Variants in LAMA4 observed in about 807,000 individuals in gnomAD.
LAMA4 encodes laminin subunit alpha 4.
In LAMA4, 127 loss-of-function variants were observed where a neutral mutation model predicts 207.1. That is an observed-to-expected ratio of 0.61 (90% CI 0.53 to 0.71). The LOEUF is 0.71. Among genes scored for constraint, LAMA4 ranks in the 30% least tolerant of loss-of-function variants. The pLI is 0.00. For synonymous variants in LAMA4, 761 were observed against 816.0 expected (o/e 0.93, Z 1.15); for missense variants, 2,093 against 2,246.5 (o/e 0.93, Z 1.38).
intron 12 of LAMA4, among the ~76,000 whole-genome samples, chr6:112,166,694 T>A (rs556610885): frequency 6.6e-6 from 1 of 152,362 alleles, no homozygotes; most frequent in East Asian, 1.9e-4. Flanking sequence ...TTCTCCCACT[T>A]ACCGTATATA....
chr6:112,178,663 GA>G (rs1554344576), intron 9 of LAMA4: 1 of 193,190 alleles, frequency 5.2e-6, no homozygotes, highest in Non-Finnish European at 1.1e-5. Flanking sequence ...TATCAGTTAG[GA>G]CATACAATGT....
chr6:112,232,269 G>A (rs1483483487), intron 2 of LAMA4, among the ~76,000 whole-genome samples: 20 of 152,122 alleles, frequency 1.3e-4, no homozygotes, highest in Non-Finnish European at 1.5e-5. Context: ...TTAAAAAACA[G>A]ATTTTGCAAC....
intron 3 of LAMA4, chr6:112,213,994 G>A: frequency 1.3e-6 from 1 of 755,794 alleles, no homozygotes; most frequent in South Asian, 1.4e-5. Context: ...TGGAGCCCTG[G>A]CTTCTCTGGC....
chr6:112,114,212 A>G lies in LAMA4; in HGVS notation c.5207-17T>C. On this transcript the variant is annotated splice_polypyrimidine_tract_variant and intron_variant, in intron 37 of 38. Coordinates refer to ENST00000230538, the MANE Select transcript of LAMA4 (RefSeq NM_001105206.3). The stretch of plus-strand genomic sequence containing the variant: ...CTCTAATAACTGAAATGCAGGGCAA[A>G]GACTGGTCATAAGTGGCACTGGAGT... 6.2e-7 allele frequency: 1 copy of G among 1,612,858 alleles called. No homozygotes were observed. The highest frequency in any genetic ancestry group is 8.5e-7 in the Non-Finnish European group (1 of 1,179,352).
At chr6:112,188,483 G>C (rs1423934978) in intron 7 of LAMA4, among the ~76,000 whole-genome samples, 1 of 152,150 alleles carries the variant, frequency 6.6e-6, no homozygotes, top group Non-Finnish European at 1.5e-5. Flanking sequence ...GGTTAATCTC[G>C]TCTGCTCCGA....
chr6:112,182,961 A>G (rs1462003339), intron 9 of LAMA4, among the ~76,000 whole-genome samples: 1 of 152,224 alleles, frequency 6.6e-6, no homozygotes, highest in African/African-American at 2.4e-5. Context: ...AATCCCAGAC[A>G]TAAGTGGTGG....
chr6:112,142,011 G>C (rs782148771), intron 20 of LAMA4, 108 bp downstream of exon 20: 7 of 1,050,386 alleles, frequency 6.7e-6, no homozygotes, highest in Non-Finnish European at 1.0e-5. Context: ...TGAGTTACCA[G>C]AATGGGCATT....
chr6:112,241,135 A>ATATATATAT (rs1195523269), intron 2 of LAMA4, among the ~76,000 whole-genome samples: 2 of 102,580 alleles, frequency 1.9e-5, no homozygotes, highest in South Asian at 3.0e-4. Flanking sequence ...ATGAATATAT[A>ATATATATAT]GGAATATATA....
At position 112,225,204 on chromosome 6, in the gene LAMA4, T is replaced by TCTAA. The variant is rs575426427; in HGVS notation, c.196-8739_196-8736dup. ...TAGTTTTTTATGCCACCCCCTTGTT[T>TCTAA]CTAAGTGCTTGTTAGACAAGCCCAT... On this transcript the variant is annotated intron_variant, in intron 2 of 38. Transcript: ENST00000230538. 6.7e-4 allele frequency among the ~76,000 whole-genome samples: 102 copies of TCTAA among 152,298 alleles called. 1 individual carries two copies. Among genetic ancestry groups the TCTAA allele is most frequent in the African/African-American group, 2.4e-3 (99 of 41,562 alleles).
intron 2 of LAMA4, chr6:112,234,689 A>G (rs1583970256): frequency 6.6e-6 from 1 of 152,176 alleles, no homozygotes; most frequent in Non-Finnish European, 1.5e-5. Context: ...AGCTTTCAAC[A>G]TAACTGAATG....
intron 17 of LAMA4, among the ~76,000 whole-genome samples, chr6:112,148,942 TAA>T (rs1780201878): frequency 7.2e-6 from 1 of 139,286 alleles, no homozygotes; most frequent in African/African-American, 2.6e-5. Flanking sequence ...GGTGACTTTA[TAA>T]CTTCAAATTT....
At chr6:112,205,820 G>A (rs1784026568) in intron 4 of LAMA4, among the ~76,000 whole-genome samples, 1 of 151,936 alleles carries the variant, frequency 6.6e-6, no homozygotes, top group Admixed American at 6.6e-5. Context: ...CAACCTCCAG[G>A]GAGGAGAGGC....
chr6:112,202,814 A>G (rs1783834877), intron 4 of LAMA4, among the ~76,000 whole-genome samples: 1 of 152,182 alleles, frequency 6.6e-6, no homozygotes, highest in Admixed American at 6.5e-5. Flanking sequence ...CCAGAACAGG[A>G]ACCCGCGCTT....
intron 2 of LAMA4, chr6:112,253,407 T>C (rs1283430585): frequency 7.0e-6 from 2 of 286,564 alleles, no homozygotes; most frequent in Admixed American, 4.9e-5. Context: ...TGGAATACAA[T>C]GGCTCGTTTC....
rs781928632 is a variant in LAMA4, at chr6:112,216,463, T to C, written c.202A>G (p.Asn68Asp). Residue 68 changes from asparagine (N) to aspartate (D), a missense_variant, in exon 3 of 39, where the codon AAT (asparagine) becomes GAT (aspartate). Physicochemically the swap from Asn to Asp is conservative, Grantham distance 23. This residue lies in a region of LAMA4 where 1,704 missense variants were observed against 1,788.4 expected (regional missense o/e 0.95). Transcript: ENST00000230538. ...GRLPPAAEKCNAGFFHTLSGE... is the reference protein window; with the variant it reads ...GRLPPAAEKCDAGFFHTLSGE... ...GACAGGGTGTGAAAGAATCCAGCAT[T>C]GCATTTCTGCAACAGACACACCAAA... 6.8e-6 allele frequency: 11 copies of C among 1,609,496 alleles called. No homozygotes were observed. The highest frequency in any genetic ancestry group is 1.6e-4 in the Middle Eastern group (1 of 6,072).
At chr6:112,169,110 A>T (rs1014713128) in intron 12 of LAMA4, among the ~76,000 whole-genome samples, 3 of 152,154 alleles carry the variant, frequency 2.0e-5, no homozygotes, top group African/African-American at 7.2e-5. Context: ...GCATTTGATG[A>T]AGGTTGGTTA....
intron 2 of LAMA4, among the ~76,000 whole-genome samples, chr6:112,250,526 G>T (rs917512448): frequency 6.6e-6 from 1 of 152,178 alleles, no homozygotes; most frequent in Non-Finnish European, 1.5e-5. Context: ...AGGTTTCTAG[G>T]AGAGAAATTC....
At chr6:112,120,821 G>C (rs1778310661) in intron 32 of LAMA4, among the ~76,000 whole-genome samples, 1 of 152,092 alleles carries the variant, frequency 6.6e-6, no homozygotes, top group Non-Finnish European at 1.5e-5. Flanking sequence ...ACTTGAGCCT[G>C]GGAGTTCAAG....
chr6:112,133,596 A>C (rs1186299964), intron 26 of LAMA4, 109 bp from the exon 27 acceptor site: 1 of 1,266,070 alleles, frequency 7.9e-7, no homozygotes, highest in Non-Finnish European at 1.1e-6. Context: ...TGGCTTTATA[A>C]TCATTCATAT....
Sources: gnomAD v4.1 joint callset for allele counts (sites outside exome capture counted in the v4.1 genomes callset) on GRCh38, gnomAD v4.1.1 for gene constraint, gnomAD v4.1.1 regional missense constraint, MANE v1.5 for transcripts, NCBI Gene and HGNC (gene_info 2026-07-23, HGNC 2026-07-21) for gene names.